Variants in SEC22A observed in about 807,000 individuals in gnomAD.
SEC22A encodes the protein SEC22 homolog A, vesicle trafficking protein, also known as vesicle-trafficking protein SEC22a.
In SEC22A, 22 loss-of-function variants were observed where a neutral mutation model predicts 35.3. The observed-to-expected ratio is 0.62, with a 90% CI of 0.45 to 0.89. SEC22A has a LOEUF of 0.89. Ranked by LOEUF, SEC22A falls within the 40% of genes least tolerant of loss-of-function variation. The pLI, the probability that SEC22A is intolerant of heterozygous loss-of-function variation, is 0.00. For missense variants in SEC22A, 354 were observed against 362.5 expected (o/e 0.98, Z 0.19); for synonymous variants, 119 against 129.5 (o/e 0.92, Z 0.55).
At chr3:123,261,587 TATA>T (rs1937896251) in intron 6 of SEC22A, among the ~76,000 whole-genome samples, 1 of 152,244 alleles carries the variant, frequency 6.6e-6, no homozygotes, top group African/African-American at 2.4e-5. Context: ...AGGTATTTAA[TATA>T]ATTTTATGAA....
At chr3:123,252,196 C>G (rs183273556) in intron 5 of SEC22A, among the ~76,000 whole-genome samples, 1 of 152,212 alleles carries the variant, frequency 6.6e-6, no homozygotes, top group Non-Finnish European at 1.5e-5. Context: ...TTTATTTTCA[C>G]TAAAGCCATT....
intron 6 of SEC22A, among the ~76,000 whole-genome samples, chr3:123,260,147 A>C (rs1421593113): frequency 2.0e-5 from 2 of 100,544 alleles, no homozygotes; most frequent in African/African-American, 3.3e-5. Flanking sequence ...AAAAAAAAAA[A>C]AAAAAAAAAA....
chr3:123,256,908 C>T (rs1347022407), intron 5 of SEC22A, among the ~76,000 whole-genome samples: 5 of 151,732 alleles, frequency 3.3e-5, no homozygotes, highest in African/African-American at 1.2e-4. Flanking sequence ...TACAGGTGCC[C>T]GCCACCACGC....
chr3:123,264,758 AG>A (rs1377452175), intron 6 of SEC22A, among the ~76,000 whole-genome samples: 1 of 151,742 alleles, frequency 6.6e-6, no homozygotes, highest in Non-Finnish European at 1.5e-5. Context: ...CCACCCGAGT[AG>A]CTAGGATTAC....
chr3:123,252,688 T>G (rs1937628160), intron 5 of SEC22A, among the ~76,000 whole-genome samples: 1 of 152,206 alleles, frequency 6.6e-6, no homozygotes, highest in Non-Finnish European at 1.5e-5. Flanking sequence ...AGGACCCACA[T>G]GAATCAACAT....
intron 6 of SEC22A, among the ~76,000 whole-genome samples, chr3:123,270,824 T>G (rs997547696): frequency 3.9e-4 from 59 of 152,330 alleles, no homozygotes; most frequent in African/African-American, 1.3e-3. Context: ...TTACTCCCTA[T>G]CCCTTTTTCC....
intron 4 of SEC22A, among the ~76,000 whole-genome samples, chr3:123,239,850 A>G (rs1406106255): frequency 6.6e-6 from 1 of 152,008 alleles, no homozygotes; most frequent in East Asian, 1.9e-4. Context: ...CCATTTGTCA[A>G]TTTTGGCTTT....
chr3:123,223,693 C>T lies in SEC22A; in HGVS notation c.317C>T (p.Ala106Val). The T allele has an allele frequency of 6.2e-7, 1 of 1,613,180 alleles. No homozygotes were observed. The highest frequency in any genetic ancestry group is 1.3e-5 in the African/African-American group (1 of 75,018). ...TATAACATGATGAAGACAAATACTG[C>T]TGTCAGACCATACTGTTTCATTGAA... ...TTYNMMKTNT[A>V]VRPYCFIEFD... Residue 106 changes from alanine (A) to valine (V), a missense_variant, in exon 3 of 7, where the codon GCT becomes GTT. Coordinates refer to ENST00000492595, the MANE Select transcript of SEC22A (RefSeq NM_012430.5).
rs1433321578 is a variant in SEC22A, at chr3:123,273,808, C to CAAAAAAAAAAAAAAAAA, written c.*2092_*2093insAAAAAAAAAAAAAAAAA. 3 of 151,632 alleles carry CAAAAAAAAAAAAAAAAA rather than the reference C, an allele frequency of 2.0e-5. No individual in the cohort carries two copies. The highest frequency in any genetic ancestry group is 6.6e-5 in the Admixed American group (1 of 15,252). 9.4% of individuals were successfully genotyped at this position (151,632 alleles called of 1,614,324 possible). On this transcript the variant is annotated 3_prime_UTR_variant, in exon 7 of 7. Transcript: ENST00000492595. The stretch of plus-strand genomic sequence containing the variant: ...TGGCCAACAGAGCGAGACTCTGTCT[C>CAAAAAAAAAAAAAAAAA]AAAAAAGAAAGGTTTTCTAAACTAA...
At chr3:123,205,317 T>C (rs931236079) in intron 1 of SEC22A, among the ~76,000 whole-genome samples, 1 of 152,242 alleles carries the variant, frequency 6.6e-6, no homozygotes, top group African/African-American at 2.4e-5. Context: ...GAAACCATTC[T>C]CTGACAACCT....
intron 6 of SEC22A, among the ~76,000 whole-genome samples, chr3:123,271,170 G>A (rs1938150365): frequency 1.3e-5 from 2 of 152,160 alleles, no homozygotes; most frequent in African/African-American, 4.8e-5. Context: ...TCCTGGGTGA[G>A]AATGGAACAC....
chr3:123,223,082 C>A (rs1937157510), intron 2 of SEC22A, among the ~76,000 whole-genome samples: 1 of 152,178 alleles, frequency 6.6e-6, no homozygotes, highest in African/African-American at 2.4e-5. Context: ...GGATTTGATT[C>A]TGGGGTGTGT....
chr3:123,211,988 T>C (rs1576483684), intron 2 of SEC22A, among the ~76,000 whole-genome samples: 1 of 151,914 alleles, frequency 6.6e-6, no homozygotes, highest in Non-Finnish European at 1.5e-5. Context: ...GCCTAGGAGG[T>C]TGAGGCTGCA....
chr3:123,253,712 C>CAAAAA (rs550562079), intron 5 of SEC22A, among the ~76,000 whole-genome samples: 2 of 103,170 alleles, frequency 1.9e-5, no homozygotes, highest in Admixed American at 9.7e-5. Context: ...GACTCCATCT[C>CAAAAA]AAAAAAAAAA....
chr3:123,243,130 C>CT (rs1253164141), intron 4 of SEC22A, among the ~76,000 whole-genome samples: 1 of 151,976 alleles, frequency 6.6e-6, no homozygotes, highest in Non-Finnish European at 1.5e-5. Context: ...TAGCAATGCC[C>CT]TATAGCAGAA....
intron 4 of SEC22A, among the ~76,000 whole-genome samples, chr3:123,228,305 C>T (rs1052987212): frequency 2.0e-5 from 3 of 150,974 alleles, no homozygotes; most frequent in Non-Finnish European, 4.4e-5. Context: ...GAGGCTCACA[C>T]CTATAATCCC....
At chr3:123,248,248 T>G (rs867479320) in intron 5 of SEC22A, among the ~76,000 whole-genome samples, 15 of 152,010 alleles carry the variant, frequency 9.9e-5, no homozygotes, top group African/African-American at 3.6e-4. Flanking sequence ...ATATACAGAT[T>G]AGGAAGGAAA....
intron 4 of SEC22A, among the ~76,000 whole-genome samples, chr3:123,231,044 C>T (rs999688036): frequency 3.3e-5 from 5 of 151,966 alleles, no homozygotes; most frequent in African/African-American, 4.8e-5. Flanking sequence ...ATGGACTTTA[C>T]GACAAACATT....
intron 6 of SEC22A, among the ~76,000 whole-genome samples, chr3:123,268,082 C>G (rs1318396640): frequency 6.6e-6 from 1 of 152,180 alleles, no homozygotes; most frequent in Non-Finnish European, 1.5e-5. Context: ...CTTCTACTTG[C>G]CTTTTCTGAA....
Sources: gnomAD v4.1 joint callset for allele counts (sites outside exome capture counted in the v4.1 genomes callset) on GRCh38, gnomAD v4.1.1 for gene constraint, MANE v1.5 for transcripts, NCBI Gene and HGNC (gene_info 2026-07-23, HGNC 2026-07-21) for gene names.